Variants in SFRP1 observed in about 807,000 individuals in gnomAD.
The protein encoded by SFRP1 is secreted frizzled related protein 1.
In SFRP1, 9 loss-of-function variants were observed where a neutral mutation model predicts 25.9. The observed-to-expected ratio is 0.35, with a 90% CI of 0.21 to 0.61. SFRP1 has a LOEUF of 0.61. Among genes scored for constraint, SFRP1 ranks in the 20% least tolerant of loss-of-function variants. The probability of loss-of-function intolerance (pLI) is 0.78; values close to 1 mark genes in which losing one functional copy is unlikely to be tolerated. For missense variants in SFRP1, 346 were observed against 418.2 expected, an observed-to-expected ratio of 0.83 and a Z score of 1.51; for synonymous variants, 178 against 174.0, an observed-to-expected ratio of 1.02 and a Z score of -0.18.
In SFRP1 at chr8:41,265,112, T is replaced by TGCCCCCCCCCCCCCCCCCCC; in HGVS notation, c.*54_*55insGGGGGGGGGGGGGGGGGGGC. 3.9e-6 allele frequency: 2 copies of TGCCCCCCCCCCCCCCCCCCC among 517,774 alleles called. No individual in the cohort carries two copies. Among genetic ancestry groups the TGCCCCCCCCCCCCCCCCCCC allele is most frequent in the African/African-American group, 2.0e-5 (1 of 50,660 alleles). 32.1% of individuals were successfully genotyped at this position (517,774 alleles called of 1,614,324 possible). The stretch of plus-strand genomic sequence containing the variant: ...GACCCACCGGGTTCCCGGGGCACTG[T>TGCCCCCCCCCCCCCCCCCCC]CCCCCCCGCTCCCACCCCACCCGAG... On this transcript the variant is annotated 3_prime_UTR_variant, in exon 3 of 3. Coordinates refer to ENST00000220772, the MANE Select transcript of SFRP1 (RefSeq NM_003012.5).
chr8:41,275,291 C>T (rs146249723), intron 2 of SFRP1: 158 of 347,750 alleles, frequency 4.5e-4, no homozygotes, highest in African/African-American at 3.4e-3. Context: ...TCTGGGATGA[C>T]GGGGCAAGCA....
rs528735664 is a variant in SFRP1, at chr8:41,287,074, C to A, written c.622+16387G>T. 6.6e-5 allele frequency among the ~76,000 whole-genome samples: 10 copies of A among 152,306 alleles called. No homozygotes were observed. The South Asian group carries it at 2.1e-3, about 32-fold the overall frequency. ...CTACCACGGAACAAGGCAGCCTGCC[C>A]CTCTGCTGAACAAGGTTTCATTTCC... On this transcript the variant is annotated intron_variant, in intron 2 of 2. Coordinates refer to ENST00000220772, the MANE Select transcript of SFRP1 (RefSeq NM_003012.5).
intron 2 of SFRP1, among the ~76,000 whole-genome samples, chr8:41,283,654 A>G (rs1336758503): frequency 6.9e-6 from 1 of 145,860 alleles, no homozygotes; most frequent in Non-Finnish European, 1.5e-5. Context: ...TCTGCCTCCC[A>G]GGTTCAAGTG....
In SFRP1 at chr8:41,272,500, T is replaced by C. The variant is rs964332096; in HGVS notation, c.623-7011A>G. On this transcript the variant is annotated intron_variant, in intron 2 of 2. Transcript: ENST00000220772. The stretch of plus-strand genomic sequence containing the variant: ...GGCATGTGCCTATAATTCCTGCTAA[T>C]TGGGAGGGTGAGGTAGGAGAATTGC... Among the ~76,000 whole-genome samples the C allele has an allele frequency of 5.9e-5, 9 of 152,258 alleles. No individual in the cohort carries two copies. The South Asian group carries it at 1.2e-3, about 21-fold the overall frequency.
chr8:41,271,243 G>A (rs1048516505), intron 2 of SFRP1: 5 of 154,226 alleles, frequency 3.2e-5, no homozygotes, highest in East Asian at 1.9e-4. Flanking sequence ...GTCATGTCTC[G>A]CTGTTAAATT....
At chr8:41,278,513 T>A (rs1333606130) in intron 2 of SFRP1, among the ~76,000 whole-genome samples, 2 of 152,228 alleles carry the variant, frequency 1.3e-5, no homozygotes, top group Non-Finnish European at 2.9e-5. Context: ...GTGAGCTACA[T>A]CTGCATCTTC....
At chr8:41,306,473 A>G (rs1803997799) in intron 1 of SFRP1, among the ~76,000 whole-genome samples, 1 of 145,848 alleles carries the variant, frequency 6.9e-6, no homozygotes, top group Admixed American at 6.9e-5. Context: ...CCTGCCCTCT[A>G]CACACCTACA....
chr8:41,308,693 T>C lies in SFRP1; in HGVS notation c.467A>G (p.Lys156Arg). 2.5e-6 allele frequency: 4 copies of C among 1,611,688 alleles called. No individual in the cohort carries two copies. The change falls in exon 1 of 3, where the codon AAG (lysine) becomes AGG (arginine). Residue 156 changes from lysine (K) to arginine (R), a missense_variant. Lys to Arg is a conservative substitution (Grantham distance 26). Transcript: ENST00000220772. Reference protein sequence around the residue: ...FFGFYWPEMLKCDKFPEGDVC... With the variant: ...FFGFYWPEMLRCDKFPEGDVC... ...GTCCCCCTCGGGGAACTTGTCACAC[T>C]TAAGCATCTCGGGCCAGTAGAAGCC...
intron 2 of SFRP1, among the ~76,000 whole-genome samples, chr8:41,280,817 A>G (rs1362086005): frequency 6.6e-6 from 1 of 152,178 alleles, no homozygotes; most frequent in African/African-American, 2.4e-5. Context: ...GCACACATAG[A>G]CAGAGCTTTG....
intron 2 of SFRP1, among the ~76,000 whole-genome samples, chr8:41,290,472 T>C (rs988004211): frequency 5.3e-5 from 8 of 152,204 alleles, no homozygotes; most frequent in Non-Finnish European, 1.5e-5. Flanking sequence ...GTCAGGACCA[T>C]TTATGATGGG....
At chr8:41,291,163 C>A (rs1803775093) in intron 2 of SFRP1, among the ~76,000 whole-genome samples, 1 of 151,904 alleles carries the variant, frequency 6.6e-6, no homozygotes, top group African/African-American at 2.4e-5. Flanking sequence ...CCACCTCAGC[C>A]TCCCAAAGTG....
intron 2 of SFRP1, among the ~76,000 whole-genome samples, chr8:41,286,256 A>G (rs1313871244): frequency 6.6e-6 from 1 of 152,214 alleles, no homozygotes; most frequent in South Asian, 2.1e-4. Context: ...CTGTAAGCGA[A>G]GAAGCCTCCA....
At chr8:41,280,580 T>C (rs1231387044) in intron 2 of SFRP1, among the ~76,000 whole-genome samples, 1 of 152,168 alleles carries the variant, frequency 6.6e-6, no homozygotes, top group Non-Finnish European at 1.5e-5. Context: ...GGGCAGAGGT[T>C]CTGAGAGCTG....
rs182796544 is a variant in SFRP1 at position 41,289,247 on chromosome 8, T to C, written c.622+14214A>G. ...TTGCCACAGACCAAAACCACCTAAC[T>C]GCAGAGCTGGAGGACACTCACAGAT... On this transcript the variant is annotated intron_variant, in intron 2 of 2. Transcript: ENST00000220772. 1.4e-3 allele frequency among the ~76,000 whole-genome samples: 217 copies of C among 152,216 alleles called. 1 individual carries two copies. The highest frequency in any genetic ancestry group is 5.0e-3 in the African/African-American group (207 of 41,518).
chr8:41,282,113 C>T (rs1017485664), intron 2 of SFRP1, among the ~76,000 whole-genome samples: 4 of 152,210 alleles, frequency 2.6e-5, no homozygotes, highest in African/African-American at 7.2e-5. Context: ...TGTTTGGTTG[C>T]CTCCCACATC....
rs762360499 is a variant in SFRP1 at position 41,308,744 on chromosome 8, G to A, written c.416C>T (p.Ser139Leu). 2.5e-6 allele frequency: 4 copies of A among 1,608,192 alleles called. No homozygotes were observed. The highest frequency in any genetic ancestry group is 3.4e-6 in the Non-Finnish European group (4 of 1,177,630). Residue 139 changes from serine to leucine, a missense_variant, in exon 1 of 3, where the codon TCG (serine) becomes TTG (leucine). Ser to Leu is a moderately radical substitution (Grantham distance 145). Coordinates refer to ENST00000220772, the MANE Select transcript of SFRP1 (RefSeq NM_003012.5). ...CRWLCEAVRD[S>L]CEPVMQFFGF... ...GAAGAACTGCATGACCGGCTCGCAC[G>A]AGTCGCGCACGGCCTCGCAGAGCCA...
At chr8:41,281,534 G>A (rs910211036) in intron 2 of SFRP1, among the ~76,000 whole-genome samples, 1 of 152,244 alleles carries the variant, frequency 6.6e-6, no homozygotes, top group Admixed American at 6.5e-5. Context: ...AGGATGCGGA[G>A]GCAGCTAGTC....
chr8:41,299,389 T>TAAACATGTATAC (rs1429705249), intron 2 of SFRP1, among the ~76,000 whole-genome samples: 1 of 151,052 alleles, frequency 6.6e-6, no homozygotes, highest in Admixed American at 6.6e-5. Flanking sequence ...GGGCTTCTTT[T>TAAACATGTATAC]AAACATGTAT....
intron 2 of SFRP1, chr8:41,275,250 G>GAGCGAGAGGGGATGAATGGGGGCCT: frequency 4.6e-6 from 2 of 435,772 alleles, no homozygotes; most frequent in Non-Finnish European, 9.1e-6. Flanking sequence ...TCCAGTAGGA[G>GAGCGAGAGGGGATGAATGGGGGCCT]AGCGAGAGGG....
Sources: gnomAD v4.1 joint callset for allele counts (sites outside exome capture counted in the v4.1 genomes callset) on GRCh38, gnomAD v4.1.1 for gene constraint, MANE v1.5 for transcripts, NCBI Gene and HGNC (gene_info 2026-07-23, HGNC 2026-07-21) for gene names.